MCTP2: variants seen among roughly 807,000 people sequenced by gnomAD.
MCTP2 encodes the protein multiple C2 and transmembrane domain containing 2.
MCTP2 carries 132 observed loss-of-function variants against 111.6 expected under a neutral mutation model. The observed-to-expected ratio is 1.18, with a 90% confidence interval of 1.03 to 1.37. The LOEUF (loss-of-function observed/expected upper bound fraction) is 1.37. Among genes scored for constraint, MCTP2 ranks in the 40% most tolerant of loss-of-function variants. The pLI, the probability that MCTP2 is intolerant of heterozygous loss-of-function variation, is 0.00. For synonymous variants in MCTP2, 395 were observed against 387.7 expected (o/e 1.02, Z -0.22); for missense variants, 1,183 against 1,067.9 (o/e 1.11, Z -1.50).
chr15:94,244,647 C>T (rs1018523901), intron 1 of MCTP2, among the ~76,000 whole-genome samples: 2 of 144,206 alleles, frequency 1.4e-5, no homozygotes, highest in Non-Finnish European at 3.0e-5. Flanking sequence ...TGTTTATAAA[C>T]GTATATGTAT....
intron 17 of MCTP2, among the ~76,000 whole-genome samples, chr15:94,430,527 T>A (rs1457945118): frequency 2.8e-5 from 4 of 141,948 alleles, no homozygotes; most frequent in African/African-American, 1.1e-4. Flanking sequence ...AGGTCAGGAG[T>A]TTGAAACCAG....
chr15:94,440,108 G>C, intron 17 of MCTP2, 68 bp from the exon 18 acceptor site: 1 of 1,561,394 alleles, frequency 6.4e-7, no homozygotes, highest in South Asian at 1.2e-5. Context: ...ACATCAATGA[G>C]TAGGAATTTG....
rs539912822 is a variant in MCTP2 at position 94,242,967 on chromosome 15, A to G, written c.-66+11303A>G. ...TGTAGATACACATATACACGTGTAT[A>G]TGTGTATCTACACATACACGTGTAT... On this transcript the variant is annotated intron_variant, in intron 1 of 22. Transcript: ENST00000357742. 3.1e-4 allele frequency among the ~76,000 whole-genome samples: 31 copies of G among 99,368 alleles called. 5 individuals carry two copies. The highest frequency in any genetic ancestry group is 6.5e-3 in the Middle Eastern group (1 of 154). The allele number at this position is 99,368 out of a possible 152,430, so 65.2% of individuals were successfully genotyped here.
At chr15:94,393,485 G>A (rs1390512984) in intron 14 of MCTP2, among the ~76,000 whole-genome samples, 2 of 152,088 alleles carry the variant, frequency 1.3e-5, no homozygotes, top group Non-Finnish European at 2.9e-5. Context: ...ATAAGTTAAA[G>A]ATCAAACACT....
intron 10 of MCTP2, among the ~76,000 whole-genome samples, chr15:94,361,259 GT>G (rs962212743): frequency 6.6e-6 from 1 of 151,870 alleles, no homozygotes; most frequent in African/African-American, 2.4e-5. Flanking sequence ...CTCATGCTTT[GT>G]TTTTGGATAA....
Position 94,481,765 on chromosome 15 carries a change from T to G in MCTP2, c.*2731T>G, listed in dbSNP as rs959968276. 1 of 152,212 alleles carries G rather than the reference T, an allele frequency of 6.6e-6. No homozygotes were observed. The highest frequency in any genetic ancestry group is 2.4e-5 in the African/African-American group (1 of 41,452). 9.4% of individuals were successfully genotyped at this position (152,212 alleles called of 1,614,324 possible). A position where few individuals can be genotyped will look rare whatever the true frequency, so the allele number is the denominator to read the frequency against. On this transcript the variant is annotated 3_prime_UTR_variant, in exon 23 of 23. Transcript: ENST00000357742. ...CCACTGTCCTCCACTGAATAGCCCATTACAGCTAGCACCTAATAGTTACTC... is the reference window on the plus strand; with the variant it reads ...CCACTGTCCTCCACTGAATAGCCCAGTACAGCTAGCACCTAATAGTTACTC...
chr15:94,471,530 ATTACAGAAG>A (rs2073927070), intron 21 of MCTP2, among the ~76,000 whole-genome samples: 1 of 152,208 alleles, frequency 6.6e-6, no homozygotes, highest in African/African-American at 2.4e-5. Context: ...AGCTCATACA[ATTACAGAAG>A]TAGAATGATT....
intron 1 of MCTP2, among the ~76,000 whole-genome samples, chr15:94,275,271 A>G (rs550892007): frequency 6.6e-6 from 1 of 152,286 alleles, no homozygotes; most frequent in South Asian, 2.1e-4. Flanking sequence ...CATTTCTATT[A>G]AATAACAGAA....
chr15:94,264,590 G>A (rs931988676), intron 1 of MCTP2, among the ~76,000 whole-genome samples: 1 of 150,392 alleles, frequency 6.6e-6, no homozygotes, highest in Non-Finnish European at 1.5e-5. Flanking sequence ...GAGCCTGGGC[G>A]ACAGAGCGAG....
chr15:94,480,161 C>T lies in MCTP2; in HGVS notation c.*1127C>T, dbSNP rs974714986. On this transcript the variant is annotated 3_prime_UTR_variant, in exon 23 of 23. Transcript: ENST00000357742. ...TTTCCCTGCCATGTAAAAATCCTGA[C>T]TTTGTGCGTATATAAAATGTATGCA... 6.6e-6 allele frequency: 1 copy of T among 152,152 alleles called. No homozygotes were observed. The highest frequency in any genetic ancestry group is 1.5e-5 in the Non-Finnish European group (1 of 68,034). The allele number at this position is 152,152 out of a possible 1,614,324, so 9.4% of individuals were successfully genotyped here.
chr15:94,472,806 A>T (rs1475427776), intron 21 of MCTP2, among the ~76,000 whole-genome samples: 1 of 152,212 alleles, frequency 6.6e-6, no homozygotes, highest in South Asian at 2.1e-4. Flanking sequence ...TATATTCTGT[A>T]ATTCTGTTAG....
At chr15:94,326,184 G>A (rs1227237749) in intron 4 of MCTP2, among the ~76,000 whole-genome samples, 1 of 151,898 alleles carries the variant, frequency 6.6e-6, no homozygotes, top group African/African-American at 2.4e-5. Flanking sequence ...TAAATGTTTG[G>A]TTACCTGGTG....
rs1344901379 is a variant in MCTP2, at chr15:94,482,547, G to C, written c.*3513G>C. On this transcript the variant is annotated 3_prime_UTR_variant, in exon 23 of 23. Transcript: ENST00000357742. ...GCTGTGAGAGGACCACAGGAGTCCA[G>C]TTTTAGCGCTGAATCTCAGGTGACT... The C allele has an allele frequency of 6.6e-6, 1 of 152,204 alleles. No individual in the cohort carries two copies. The highest frequency in any genetic ancestry group is 1.5e-5 in the Non-Finnish European group (1 of 68,044). 9.4% of individuals were successfully genotyped at this position (152,204 alleles called of 1,614,324 possible). A position where few individuals can be genotyped will look rare whatever the true frequency, so the allele number is the denominator to read the frequency against.
At chr15:94,462,730 G>A (rs1358885619) in intron 20 of MCTP2, among the ~76,000 whole-genome samples, 1 of 152,168 alleles carries the variant, frequency 6.6e-6, no homozygotes, top group East Asian at 1.9e-4. Flanking sequence ...TTTGTCACTG[G>A]AAGTGAATGA....
intron 1 of MCTP2, among the ~76,000 whole-genome samples, chr15:94,277,888 T>C (rs971855060): frequency 6.6e-6 from 1 of 152,088 alleles, no homozygotes. Context: ...TGTATCACAC[T>C]AATACAAGAT....
chr15:94,421,753 T>A (rs1014194339), intron 17 of MCTP2, among the ~76,000 whole-genome samples: 3 of 152,198 alleles, frequency 2.0e-5, no homozygotes, highest in South Asian at 2.1e-4. Flanking sequence ...GTAATTTGGG[T>A]CATCTACCTA....
chr15:94,440,392 C>A, intron 18 of MCTP2, 94 bp downstream of exon 18: 2 of 1,529,474 alleles, frequency 1.3e-6, no homozygotes, highest in Non-Finnish European at 1.8e-6. Flanking sequence ...AAGTCCATTT[C>A]GTTTGAGGTG....
intron 17 of MCTP2, among the ~76,000 whole-genome samples, chr15:94,422,378 T>TC (rs1181445253): frequency 6.6e-6 from 1 of 151,884 alleles, no homozygotes. Context: ...CCATGGTGTT[T>TC]CCCCACGTGA....
intron 16 of MCTP2, among the ~76,000 whole-genome samples, chr15:94,400,660 G>A (rs1238431270): frequency 1.7e-5 from 2 of 120,644 alleles, no homozygotes; most frequent in African/African-American, 6.5e-5. Context: ...CCTCCCTGTT[G>A]TACTCTCCGC....
Sources: allele counts gnomAD v4.1 joint callset (sites outside exome capture counted in the v4.1 genomes callset), GRCh38; gene constraint gnomAD v4.1.1; transcripts MANE v1.5; gene names NCBI Gene and HGNC (gene_info 2026-07-23, HGNC 2026-07-21).